The following MGAT4C variants were observed in gnomAD, a reference collection of about 807,000 sequenced individuals.
The protein encoded by MGAT4C is MGAT4 family member C, also known as alpha-1,3-mannosyl-glycoprotein 4-beta-N-acetylglucosaminyltransferase C.
MGAT4C carries 19 observed loss-of-function variants against 40.1 expected under a neutral mutation model. The observed-to-expected ratio is 0.47, with a 90% CI of 0.33 to 0.70. The LOEUF is 0.70. MGAT4C is among the 30% of genes least tolerant of loss of function. MGAT4C has a pLI of 0.02. For missense variants in MGAT4C, 491 were observed against 563.2 expected (o/e 0.87, Z 1.30); for synonymous variants, 181 against 187.1 (o/e 0.97, Z 0.27).
intron 2 of MGAT4C, among the ~76,000 whole-genome samples, chr12:86,626,633 T>C (rs909701976): frequency 2.6e-5 from 4 of 152,230 alleles, no homozygotes; most frequent in African/African-American, 9.6e-5. Flanking sequence ...AAACTTTCCA[T>C]TATTTTCTAG....
intron 1 of MGAT4C, among the ~76,000 whole-genome samples, chr12:86,750,216 A>G (rs986538373): frequency 1.3e-5 from 2 of 151,844 alleles, no homozygotes; most frequent in Non-Finnish European, 2.9e-5. Flanking sequence ...CATAGGCAGG[A>G]ACATATGTGC....
At chr12:86,003,205 C>A (rs1273731592) in intron 2 of MGAT4C, among the ~76,000 whole-genome samples, 3 of 152,142 alleles carry the variant, frequency 2.0e-5, no homozygotes, top group Non-Finnish European at 4.4e-5. Context: ...TTTTCAAATT[C>A]ACATGAAATG....
rs564593287 is a variant in MGAT4C, at chr12:86,278,295, C to T, written c.-57+55770G>A. 8.5e-4 allele frequency among the ~76,000 whole-genome samples: 127 copies of T among 149,464 alleles called. 3 individuals carry two copies. The highest frequency in any genetic ancestry group is 7.7e-4 in the Non-Finnish European group (52 of 67,642). On this transcript the variant is annotated intron_variant, in intron 4 of 7. Transcript: ENST00000548651. ...CTGGATTCAAGTGATTCTCCTGCCT[C>T]GGCCCCTCAAATAGCTGGGATTACA...
chr12:86,604,400 GT>G (rs138440147), intron 2 of MGAT4C, among the ~76,000 whole-genome samples: 244 of 149,400 alleles, frequency 1.6e-3, no homozygotes, highest in African/African-American at 5.6e-3. Flanking sequence ...AAAGGGCTCA[GT>G]TTTTTTTTTA....
At chr12:86,290,837 ATTC>A (rs1336586154) in intron 4 of MGAT4C, among the ~76,000 whole-genome samples, 1 of 152,202 alleles carries the variant, frequency 6.6e-6, no homozygotes, top group African/African-American at 2.4e-5. Flanking sequence ...TGAAAAATAC[ATTC>A]TTGCGGTATG....
intron 1 of MGAT4C, among the ~76,000 whole-genome samples, chr12:86,778,746 G>T (rs1268151860): frequency 2.6e-5 from 4 of 152,122 alleles, no homozygotes; most frequent in African/African-American, 9.7e-5. Context: ...TGCATAGAAT[G>T]CAGTGAATTC....
chr12:86,196,355 GC>G (rs1216763738), intron 1 of MGAT4C, among the ~76,000 whole-genome samples: 1 of 152,162 alleles, frequency 6.6e-6, no homozygotes, highest in Admixed American at 6.5e-5. Flanking sequence ...TGGGGTAATA[GC>G]GTCACCTCCC....
chr12:86,690,099 G>T (rs1446504433), intron 2 of MGAT4C, among the ~76,000 whole-genome samples: 1 of 152,144 alleles, frequency 6.6e-6, no homozygotes, highest in Non-Finnish European at 1.5e-5. Flanking sequence ...CTTCCCAGTG[G>T]CTTTGTTTAC....
intron 2 of MGAT4C, among the ~76,000 whole-genome samples, chr12:86,515,131 G>T (rs1028555584): frequency 2.6e-5 from 4 of 152,146 alleles, no homozygotes; most frequent in Admixed American, 2.0e-4. Flanking sequence ...GCCTCCCACA[G>T]AATTATCTTC....
chr12:86,719,509 A>T (rs1418633966), intron 2 of MGAT4C, among the ~76,000 whole-genome samples: 1 of 152,186 alleles, frequency 6.6e-6, no homozygotes, highest in Non-Finnish European at 1.5e-5. Context: ...GATTCATAGC[A>T]ATTCTGAAAT....
At chr12:86,275,875 C>A (rs61950668) in intron 4 of MGAT4C, among the ~76,000 whole-genome samples, 4 of 139,910 alleles carry the variant, frequency 2.9e-5, no homozygotes, top group African/African-American at 1.1e-4. Flanking sequence ...GCCGAGGCGG[C>A]GGATCACGAC....
intron 1 of MGAT4C, among the ~76,000 whole-genome samples, chr12:86,221,077 A>G (rs1950860205): frequency 6.6e-6 from 1 of 152,158 alleles, no homozygotes; most frequent in Non-Finnish European, 1.5e-5. Context: ...CTCGTGCTAG[A>G]CTTGGATAAA....
chr12:86,308,222 T>C, intron 4 of MGAT4C, among the ~76,000 whole-genome samples: 1 of 150,606 alleles, frequency 6.6e-6, no homozygotes, highest in Non-Finnish European at 1.5e-5. Flanking sequence ...CCTAATGAAA[T>C]ATCTTAAAAA....
At chr12:86,791,059 T>C (rs1952012663) in intron 1 of MGAT4C, among the ~76,000 whole-genome samples, 1 of 152,062 alleles carries the variant, frequency 6.6e-6, no homozygotes, top group African/African-American at 2.4e-5. Context: ...TAACAATGAA[T>C]TCAGAAATTT....
At chr12:86,604,515 C>A (rs1208732961) in intron 2 of MGAT4C, among the ~76,000 whole-genome samples, 1 of 152,080 alleles carries the variant, frequency 6.6e-6, no homozygotes, top group African/African-American at 2.4e-5. Context: ...CATGCACACA[C>A]ATGCACAGAC....
chr12:86,276,210 A>G (rs1592633924), intron 4 of MGAT4C, among the ~76,000 whole-genome samples: 1 of 152,146 alleles, frequency 6.6e-6, no homozygotes, highest in East Asian at 1.9e-4. Context: ...ATATACTAAC[A>G]TAATTACTTA....
chr12:86,689,663 G>T (rs1317919547), intron 2 of MGAT4C, among the ~76,000 whole-genome samples: 1 of 152,154 alleles, frequency 6.6e-6, no homozygotes, highest in Admixed American at 6.5e-5. Context: ...AGCAAAGATC[G>T]CTGCCTTCTT....
intron 2 of MGAT4C, among the ~76,000 whole-genome samples, chr12:86,673,701 T>TATA (rs1565917302): frequency 6.6e-6 from 1 of 152,144 alleles, no homozygotes; most frequent in Non-Finnish European, 1.5e-5. Context: ...ATTTCCTAGT[T>TATA]ATAATCCTCA....
At chr12:86,763,051 AT>A (rs1165197840) in intron 1 of MGAT4C, among the ~76,000 whole-genome samples, 2 of 152,208 alleles carry the variant, frequency 1.3e-5, no homozygotes, top group African/African-American at 4.8e-5. Context: ...ATCTAACACA[AT>A]AAGCATATCT....
Sources: gnomAD v4.1 joint callset for allele counts (sites outside exome capture counted in the v4.1 genomes callset) on GRCh38, gnomAD v4.1.1 for gene constraint, MANE v1.5 for transcripts, NCBI Gene and HGNC (gene_info 2026-07-23, HGNC 2026-07-21) for gene names.